Variants in PODN observed in about 807,000 individuals in gnomAD.
PODN encodes podocan proteoglycan.
A neutral mutation model predicts 52.7 loss-of-function variants in PODN; 40 were observed. The observed-to-expected ratio is 0.76, with a 90% CI of 0.59 to 0.99. The LOEUF is 0.99. Ranked by LOEUF, PODN falls within the 50% of genes least tolerant of loss-of-function variation. The pLI, the probability that PODN is intolerant of heterozygous loss-of-function variation, is 0.00. For synonymous variants in PODN, 396 were observed against 377.9 expected, an observed-to-expected ratio of 1.05 and a Z score of -0.56; for missense variants, 720 against 815.1, an observed-to-expected ratio of 0.88 and a Z score of 1.42.
At chr1:53,074,749 C>G in intron 4 of PODN, 79 bp downstream of exon 4, 1 of 1,456,894 alleles carries the variant, frequency 6.9e-7, no homozygotes, top group Admixed American at 1.7e-5. Context: ...TGAACTTTCA[C>G]CAGGGCCTTT....
At chr1:53,076,813 G>A (rs572292368) in intron 5 of PODN, among the ~76,000 whole-genome samples, 2 of 152,306 alleles carry the variant, frequency 1.3e-5, no homozygotes, top group Admixed American at 6.5e-5. Flanking sequence ...CCTGTGTTTA[G>A]GAAGTCCTAG....
intron 3 of PODN, chr1:53,073,618 T>A (rs1251098061): frequency 6.6e-6 from 1 of 152,360 alleles, no homozygotes; most frequent in East Asian, 1.9e-4. Context: ...GATTTTTTTT[T>A]CCTGATGACG....
At chr1:53,062,357 C>T (rs1268972477) in intron 1 of PODN, 49 bp downstream of exon 1, 9 of 1,205,378 alleles carry the variant, frequency 7.5e-6, no homozygotes, top group African/African-American at 1.6e-5. Flanking sequence ...GGGGCTGAGC[C>T]CGGGCAGCGC....
intron 9 of PODN, among the ~76,000 whole-genome samples, chr1:53,081,216 C>T (rs1644290400): frequency 6.6e-6 from 1 of 152,214 alleles, no homozygotes; most frequent in Non-Finnish European, 1.5e-5. Flanking sequence ...GTCCGGGCCT[C>T]ACACTCAGGA....
intron 8 of PODN, 31 bp from the exon 9 acceptor site, chr1:53,080,697 G>A: frequency 6.2e-7 from 1 of 1,608,008 alleles, no homozygotes; most frequent in Non-Finnish European, 8.5e-7. Flanking sequence ...GCACAGGTGG[G>A]AGTCCCTGAC....
At chr1:53,070,354 C>T (rs1270259876) in intron 2 of PODN, among the ~76,000 whole-genome samples, 187 bp downstream of exon 2, 1 of 152,234 alleles carries the variant, frequency 6.6e-6, no homozygotes, top group Non-Finnish European at 1.5e-5. Flanking sequence ...AGGTGACACT[C>T]TCCTGATGTC....
chr1:53,065,742 C>A (rs1056088449), intron 1 of PODN, among the ~76,000 whole-genome samples: 2 of 152,194 alleles, frequency 1.3e-5, no homozygotes, highest in African/African-American at 4.8e-5. Context: ...GGCGACTGTG[C>A]CTTTTTGTAT....
chr1:53,081,405 G>C (rs1000831488), intron 9 of PODN, among the ~76,000 whole-genome samples: 1 of 152,354 alleles, frequency 6.6e-6, no homozygotes, highest in East Asian at 1.9e-4. Context: ...AGGCAGAGAT[G>C]AGTGTGCTCC....
intron 4 of PODN, 147 bp from the exon 5 acceptor site, chr1:53,075,715 A>G (rs1644184264): frequency 4.6e-6 from 3 of 657,302 alleles, no homozygotes; most frequent in Non-Finnish European, 8.0e-6. Context: ...GTTTTTGCAG[A>G]GGGGGTGGGA....
rs1044353746 is a variant in PODN, at chr1:53,069,697, A to T, written c.-55-104A>T. The T allele has an allele frequency of 2.8e-6, 4 of 1,445,080 alleles. No homozygotes were observed. In the East Asian group the frequency reaches 7.7e-5, roughly 28 times the overall value. 89.5% of individuals were successfully genotyped at this position (1,445,080 alleles called of 1,614,324 possible). A position where few individuals can be genotyped will look rare whatever the true frequency, so the allele number is the denominator to read the frequency against. On this transcript the variant is annotated intron_variant, in intron 1 of 10. Transcript: ENST00000312553. ...CAGGTGCGGAGGGCAGCAGTCAGTCATCGGCTGGGCTCTGAGGACAGTCCA... is the reference window on the plus strand; with the variant it reads ...CAGGTGCGGAGGGCAGCAGTCAGTCTTCGGCTGGGCTCTGAGGACAGTCCA...
Position 53,062,271 on chromosome 1 carries a change from C to T in PODN, c.-93C>T, listed in dbSNP as rs1309352433. The T allele has an allele frequency of 1.0e-5, 13 of 1,270,110 alleles. No homozygotes were observed. Among genetic ancestry groups the T allele is most frequent in the Non-Finnish European group, 1.1e-5 (11 of 1,001,224 alleles). The allele number at this position is 1,270,110 out of a possible 1,614,324, so 78.7% of individuals were successfully genotyped here. A position where few individuals can be genotyped will look rare whatever the true frequency, so the allele number is the denominator to read the frequency against. ...GCAGCTGAGACTGGGGGAGCGCGTT[C>T]GGCCTGTGGGGCGCCGCTCGGCGCC... On this transcript the variant is annotated 5_prime_UTR_variant, in exon 1 of 11. Transcript: ENST00000312553.
At chr1:53,069,280 A>G (rs550562216) in intron 1 of PODN, among the ~76,000 whole-genome samples, 9 of 152,204 alleles carry the variant, frequency 5.9e-5, no homozygotes, top group Non-Finnish European at 1.0e-4. Flanking sequence ...GGCAGAAGGA[A>G]CAGCATGTGC....
At chr1:53,081,908 G>A (rs1644300894) in intron 9 of PODN, 73 bp from the exon 10 acceptor site, 1 of 1,522,910 alleles carries the variant, frequency 6.6e-7, no homozygotes, top group African/African-American at 1.4e-5. Context: ...ACCTTCTGGA[G>A]AGGCCAGTCG....
Position 53,077,678 on chromosome 1 carries a change from C to T in PODN, c.739-7C>T, listed in dbSNP as rs770897931. The T allele has an allele frequency of 4.3e-6, 7 of 1,609,270 alleles. No homozygotes were observed. Among genetic ancestry groups the T allele is most frequent in the East Asian group, 2.2e-5 (1 of 44,848 alleles). ...CACAATCTCCTCCCTTCCCTTCCAT[C>T]CCCCAGAACAACAAGCTGGAGAAGA... On this transcript the variant is annotated splice_region_variant and splice_polypyrimidine_tract_variant and intron_variant, in intron 6 of 10. Coordinates refer to ENST00000312553, the MANE Select transcript of PODN (RefSeq NM_153703.5).
intron 9 of PODN, among the ~76,000 whole-genome samples, chr1:53,081,218 CA>C (rs1644290610): frequency 6.6e-6 from 1 of 152,224 alleles, no homozygotes; most frequent in Non-Finnish European, 1.5e-5. Context: ...CCGGGCCTCA[CA>C]CTCAGGAATA....
At position 53,079,065 on chromosome 1, in the gene PODN, G is replaced by C. The variant is rs755358311; in HGVS notation, c.1512+43G>C. The C allele has an allele frequency of 1.8e-5, 27 of 1,471,874 alleles. 1 individual carries two copies. In the South Asian group the frequency reaches 3.5e-4, roughly 19 times the overall value. 91.2% of individuals were successfully genotyped at this position (1,471,874 alleles called of 1,614,324 possible). A position where few individuals can be genotyped will look rare whatever the true frequency, so the allele number is the denominator to read the frequency against. ...GGCTGAGCCATGCCCATGGAGGGGG[G>C]TACTGGCATGGCTGCCCTGAGCCCA... is the stretch of plus-strand genomic sequence containing the variant. On this transcript the variant is annotated intron_variant, in intron 8 of 10. Coordinates refer to ENST00000312553, the MANE Select transcript of PODN (RefSeq NM_153703.5).
rs1340209730 is a variant in PODN at position 53,071,634 on chromosome 1, G to A, written c.406+6G>A. 3 of 1,611,284 alleles carry A rather than the reference G, an allele frequency of 1.9e-6. No individual in the cohort carries two copies. The highest frequency in any genetic ancestry group is 1.7e-6 in the Non-Finnish European group (2 of 1,177,868). On this transcript the variant is annotated splice_donor_region_variant and intron_variant, in intron 3 of 10. Transcript: ENST00000312553. Reference sequence around the variant, plus strand: ...CAACCGCCTGACTTCCCGAGGTGAGGGGCCACCCAGAGCCCAGGGTCAGGG... The same window carrying A: ...CAACCGCCTGACTTCCCGAGGTGAGAGGCCACCCAGAGCCCAGGGTCAGGG...
intron 1 of PODN, chr1:53,066,713 C>A: frequency 9.1e-7 from 1 of 1,099,870 alleles, no homozygotes; most frequent in Non-Finnish European, 1.3e-6. Flanking sequence ...CACTGGCTGA[C>A]CCCATTGGGC....
intron 3 of PODN, among the ~76,000 whole-genome samples, chr1:53,072,054 G>C (rs1644127590): frequency 6.7e-6 from 1 of 148,182 alleles, no homozygotes; most frequent in South Asian, 2.1e-4. Flanking sequence ...TTGTTTAGTT[G>C]AATGTTTATA....
Sources: gnomAD v4.1 joint callset for allele counts (sites outside exome capture counted in the v4.1 genomes callset) on GRCh38, gnomAD v4.1.1 for gene constraint, MANE v1.5 for transcripts, NCBI Gene and HGNC (gene_info 2026-07-23, HGNC 2026-07-21) for gene names.